The following RABGAP1L variants were observed in gnomAD, a reference collection of about 807,000 sequenced individuals.
RABGAP1L encodes the protein RAB GTPase activating protein 1 like.
In RABGAP1L, 63 loss-of-function variants were observed where a neutral mutation model predicts 137.7. The observed-to-expected ratio is 0.46, with a 90% CI of 0.37 to 0.56. The LOEUF (loss-of-function observed/expected upper bound fraction) is 0.56. Among genes scored for constraint, RABGAP1L ranks in the 20% least tolerant of loss-of-function variants. The probability of loss-of-function intolerance (pLI) is 0.00; values close to 1 mark genes in which losing one functional copy is unlikely to be tolerated. For synonymous variants in RABGAP1L, 431 were observed against 433.7 expected (o/e 0.99, Z 0.08); for missense variants, 1,095 against 1,244.0 (o/e 0.88, Z 1.80).
At chr1:174,518,696 A>G (rs183218123) in intron 13 of RABGAP1L, among the ~76,000 whole-genome samples, 42 of 152,334 alleles carry the variant, frequency 2.8e-4, no homozygotes, top group African/African-American at 9.4e-4. Context: ...TCCTTCAGGA[A>G]TGAATGGTGC....
chr1:174,717,916 C>G (rs935088594), intron 17 of RABGAP1L, among the ~76,000 whole-genome samples: 1 of 152,154 alleles, frequency 6.6e-6, no homozygotes, highest in African/African-American at 2.4e-5. Context: ...TAATTCTTTT[C>G]TCCAAACTTC....
chr1:174,841,593 G>C (rs1340074921), intron 19 of RABGAP1L, among the ~76,000 whole-genome samples: 1 of 151,872 alleles, frequency 6.6e-6, no homozygotes, highest in South Asian at 2.1e-4. Context: ...GACAAAAATT[G>C]ATCAGCTAAA....
At chr1:174,857,407 C>T (rs1275962389) in intron 19 of RABGAP1L, among the ~76,000 whole-genome samples, 1 of 152,108 alleles carries the variant, frequency 6.6e-6, no homozygotes, top group African/African-American at 2.4e-5. Context: ...TTTATTTTTG[C>T]TTTTTCATTT....
intron 13 of RABGAP1L, among the ~76,000 whole-genome samples, chr1:174,566,379 G>A (rs987772103): frequency 3.3e-5 from 5 of 152,100 alleles, no homozygotes; most frequent in Non-Finnish European, 7.4e-5. Context: ...GAGGAAAGGT[G>A]GAGGAGAACT....
chr1:174,479,064 A>G (rs1421476848), intron 13 of RABGAP1L, among the ~76,000 whole-genome samples: 1 of 152,232 alleles, frequency 6.6e-6, no homozygotes, highest in Admixed American at 6.5e-5. Context: ...ACCTGCATCC[A>G]AGAATAACTG....
chr1:174,737,638 A>C lies in RABGAP1L; in HGVS notation c.2170-14675A>C, dbSNP rs546833440. ...TAATAGCAACCCCTCACTCCTTGGT[A>C]CCAATTTTTATGTTACACCATTTTT... On this transcript the variant is annotated intron_variant, in intron 17 of 25. Transcript: ENST00000681986. Among the ~76,000 whole-genome samples the C allele has an allele frequency of 2.4e-4, 36 of 152,210 alleles. No homozygotes were observed. In the South Asian group the frequency reaches 7.5e-3, roughly 32 times the overall value.
chr1:174,787,388 G>T lies in RABGAP1L; in HGVS notation c.2212-24444G>T, dbSNP rs577948747. Reference sequence around the variant, plus strand: ...ATTGCACTCTGGCCTGGGTGACAGAGCAAGACTCTGTGTCAAAAAAAAAAA... The same window carrying T: ...ATTGCACTCTGGCCTGGGTGACAGATCAAGACTCTGTGTCAAAAAAAAAAA... On this transcript the variant is annotated intron_variant, in intron 18 of 25. Transcript: ENST00000681986. Among the ~76,000 whole-genome samples the T allele has an allele frequency of 2.6e-4, 35 of 134,718 alleles. 1 individual carries two copies. The highest frequency in any genetic ancestry group is 9.0e-4 in the African/African-American group (33 of 36,676). 88.4% of individuals were successfully genotyped at this position (134,718 alleles called of 152,430 possible).
At chr1:174,159,693 G>C (rs1664248410) in intron 1 of RABGAP1L, 36 bp downstream of exon 1, 2 of 152,408 alleles carry the variant, frequency 1.3e-5, no homozygotes, top group Admixed American at 6.5e-5. Context: ...ACACGAGGGC[G>C]GCCCGGCGGC....
chr1:174,770,542 A>G (rs1361446943), intron 18 of RABGAP1L, among the ~76,000 whole-genome samples: 1 of 152,238 alleles, frequency 6.6e-6, no homozygotes. Context: ...CCAAGTAGTC[A>G]GTGATTAAAT....
intron 19 of RABGAP1L, among the ~76,000 whole-genome samples, chr1:174,826,913 A>T (rs557915968): frequency 6.6e-6 from 1 of 152,156 alleles, no homozygotes. Flanking sequence ...GCATTTCTTC[A>T]TATGTGTTTA....
At chr1:174,203,925 T>C (rs1668311767) in intron 1 of RABGAP1L, among the ~76,000 whole-genome samples, 1 of 149,208 alleles carries the variant, frequency 6.7e-6, no homozygotes, top group African/African-American at 2.5e-5. Context: ...ATGCTAGTGA[T>C]TTTTGTACAT....
chr1:174,550,999 C>CACATATATATATAT (rs1349225848), intron 13 of RABGAP1L, among the ~76,000 whole-genome samples: 3 of 86,372 alleles, frequency 3.5e-5, no homozygotes, highest in African/African-American at 2.5e-4. Flanking sequence ...TATATATACA[C>CACATATATATATAT]ATATATATAT....
At chr1:174,552,969 A>G (rs1038327873) in intron 13 of RABGAP1L, among the ~76,000 whole-genome samples, 1 of 152,154 alleles carries the variant, frequency 6.6e-6, no homozygotes, top group Non-Finnish European at 1.5e-5. Context: ...CATATCTCTA[A>G]TGTAATGATC....
chr1:174,697,130 C>T (rs1679316522), intron 15 of RABGAP1L, among the ~76,000 whole-genome samples: 2 of 152,206 alleles, frequency 1.3e-5, no homozygotes, highest in South Asian at 4.1e-4. Context: ...GCCTGCACCT[C>T]ATCTGTTCAG....
At chr1:174,387,246 A>G (rs949274854) in intron 12 of RABGAP1L, among the ~76,000 whole-genome samples, 1 of 152,260 alleles carries the variant, frequency 6.6e-6, no homozygotes, top group Middle Eastern at 3.4e-3. Context: ...CATTCATTCA[A>G]CTTTTAAGTC....
At chr1:174,640,320 G>A (rs1464425932) in intron 14 of RABGAP1L, among the ~76,000 whole-genome samples, 1 of 152,038 alleles carries the variant, frequency 6.6e-6, no homozygotes, top group Non-Finnish European at 1.5e-5. Context: ...ATTTAGTATA[G>A]CATACTTATG....
At chr1:174,327,203 A>G (rs2148847055) in intron 11 of RABGAP1L, among the ~76,000 whole-genome samples, 1 of 152,340 alleles carries the variant, frequency 6.6e-6, no homozygotes, top group African/African-American at 2.4e-5. Flanking sequence ...TAAACCACTT[A>G]TGGTTTAACC....
At chr1:174,599,405 T>C (rs549819704) in intron 13 of RABGAP1L, among the ~76,000 whole-genome samples, 1 of 152,358 alleles carries the variant, frequency 6.6e-6, no homozygotes, top group African/African-American at 2.4e-5. Context: ...TATTCTGTAT[T>C]TGTCTATGTA....
intron 17 of RABGAP1L, among the ~76,000 whole-genome samples, chr1:174,704,675 A>G (rs550884723): frequency 6.6e-6 from 1 of 152,330 alleles, no homozygotes; most frequent in Admixed American, 6.5e-5. Flanking sequence ...AGTTTGTAAA[A>G]TGCCTTTCTA....
Sources: allele counts gnomAD v4.1 joint callset (sites outside exome capture counted in the v4.1 genomes callset), GRCh38; gene constraint gnomAD v4.1.1; transcripts MANE v1.5; gene names NCBI Gene and HGNC (gene_info 2026-07-23, HGNC 2026-07-21).